The following EML6 variants were observed in gnomAD, a reference collection of about 807,000 sequenced individuals.
EML6 encodes the protein echinoderm microtubule-associated protein-like 6.
Under a neutral mutation model 240.1 loss-of-function variants are expected in EML6, and 154 were observed. That is an observed-to-expected ratio of 0.64 (90% CI 0.56 to 0.73). The LOEUF is 0.73. Among genes scored for constraint, EML6 ranks in the 30% least tolerant of loss-of-function variants. The probability of loss-of-function intolerance (pLI) is 0.00; values close to 1 mark genes in which losing one functional copy is unlikely to be tolerated. For missense variants in EML6, 2,964 were observed against 2,474.6 expected (o/e 1.20, Z -4.20); for synonymous variants, 1,148 against 899.0 (o/e 1.28, Z -4.95).
intron 2 of EML6, among the ~76,000 whole-genome samples, chr2:54,799,983 C>T (rs1027079855): frequency 6.6e-6 from 1 of 152,162 alleles, no homozygotes. Flanking sequence ...TGGTGGCTCA[C>T]GCCTGTAATC....
At chr2:54,924,648 G>C (rs1483667547) in intron 26 of EML6, among the ~76,000 whole-genome samples, 1 of 152,234 alleles carries the variant, frequency 6.6e-6, no homozygotes, top group East Asian at 1.9e-4. Flanking sequence ...TGCAACCTCT[G>C]TCTCCTGGGT....
chr2:54,894,596 C>T (rs1453491790), intron 19 of EML6, among the ~76,000 whole-genome samples: 1 of 152,138 alleles, frequency 6.6e-6, no homozygotes, highest in Non-Finnish European at 1.5e-5. Context: ...TGGTTCCATT[C>T]TGTAGGAACC....
At chr2:54,776,394 T>G (rs539181939) in intron 2 of EML6, among the ~76,000 whole-genome samples, 39 of 152,322 alleles carry the variant, frequency 2.6e-4, no homozygotes, top group African/African-American at 8.7e-4. Context: ...ATTTTGCGAT[T>G]ATTGCCCCAT....
rs879848125 is a variant in EML6 at position 54,851,053 on chromosome 2, G to A, written c.1444+835G>A. Among the ~76,000 whole-genome samples, 46 of 152,274 alleles carry A rather than the reference G, an allele frequency of 3.0e-4. 1 individual carries two copies. Among genetic ancestry groups the A allele is most frequent in the Non-Finnish European group, 6.8e-4 (46 of 68,016 alleles). The stretch of plus-strand genomic sequence containing the variant: ...TGTAGTAAATGTTTTAACAATGCAT[G>A]GGAATGATACCTCATTCAGGATGTT... On this transcript the variant is annotated intron_variant, in intron 10 of 41. Coordinates refer to ENST00000356458, the MANE Select transcript of EML6 (RefSeq NM_001039753.4).
chr2:54,930,619 A>T (rs1376122175), intron 28 of EML6, among the ~76,000 whole-genome samples: 1 of 152,144 alleles, frequency 6.6e-6, no homozygotes, highest in Admixed American at 6.5e-5. Flanking sequence ...ACCAGGATTT[A>T]GTGAAGAAAA....
intron 7 of EML6, among the ~76,000 whole-genome samples, chr2:54,840,420 A>G (rs1217363199): frequency 6.6e-6 from 1 of 152,274 alleles, no homozygotes; most frequent in Non-Finnish European, 1.5e-5. Context: ...ATATAGGTAC[A>G]CATATACATT....
intron 37 of EML6, 67 bp downstream of exon 37, chr2:54,964,225 T>G: frequency 3.4e-6 from 5 of 1,476,152 alleles, no homozygotes; most frequent in Non-Finnish European, 4.5e-6. Flanking sequence ...TGGTTCCCAT[T>G]CCAGCCACGG....
chr2:54,737,717 T>C (rs1683459904), intron 2 of EML6, among the ~76,000 whole-genome samples: 1 of 152,214 alleles, frequency 6.6e-6, no homozygotes, highest in Non-Finnish European at 1.5e-5. Context: ...AATAAGTAAT[T>C]GCAGTCTTTG....
chr2:54,835,345 G>A (rs372186779), intron 7 of EML6, among the ~76,000 whole-genome samples: 2 of 152,232 alleles, frequency 1.3e-5, no homozygotes, highest in African/African-American at 4.8e-5. Flanking sequence ...GTGTGCTGGA[G>A]TCCTGGAAGT....
At chr2:54,905,858 C>T (rs1185733864) in intron 24 of EML6, among the ~76,000 whole-genome samples, 3 of 152,180 alleles carry the variant, frequency 2.0e-5, no homozygotes, top group Non-Finnish European at 4.4e-5. Flanking sequence ...TAGCATGTGT[C>T]AGAATTTCCT....
At chr2:54,967,525 C>T (rs1676802214) in intron 39 of EML6, among the ~76,000 whole-genome samples, 1 of 152,076 alleles carries the variant, frequency 6.6e-6, no homozygotes. Context: ...TGAAAGGAAC[C>T]CCTGCTGTTC....
intron 28 of EML6, among the ~76,000 whole-genome samples, chr2:54,947,279 T>A (rs1422563704): frequency 6.6e-6 from 1 of 152,056 alleles, no homozygotes; most frequent in African/African-American, 2.4e-5. Flanking sequence ...GTGAAGGAAG[T>A]GTCTAATTGT....
chr2:54,935,512 C>T (rs760638958), intron 28 of EML6, among the ~76,000 whole-genome samples: 4 of 152,098 alleles, frequency 2.6e-5, no homozygotes, highest in Non-Finnish European at 5.9e-5. Context: ...AAAATTCAAC[C>T]AAATCAATGT....
chr2:54,879,837 G>C, intron 17 of EML6, 197 bp downstream of exon 17: 1 of 566,704 alleles, frequency 1.8e-6, no homozygotes, highest in Non-Finnish European at 3.1e-6. Flanking sequence ...TTGTTGCGGT[G>C]AATCAGAAAA....
intron 21 of EML6, among the ~76,000 whole-genome samples, chr2:54,898,202 C>G (rs1672869619): frequency 6.6e-6 from 1 of 152,060 alleles, no homozygotes; most frequent in African/African-American, 2.4e-5. Flanking sequence ...TTCCTTGAGC[C>G]ATTCAAGGTC....
chr2:54,727,184 A>C (rs906012198), intron 2 of EML6, among the ~76,000 whole-genome samples: 2 of 150,740 alleles, frequency 1.3e-5, no homozygotes, highest in Admixed American at 6.8e-5. Context: ...TGATGAAGGG[A>C]AAAAGAGACA....
chr2:54,954,086 A>G lies in EML6; in HGVS notation c.4416A>G (p.Ala1472=). The change falls in exon 32 of 42, where the codon GCA becomes GCG. Residue 1472 remains alanine (A), a synonymous_variant. Coordinates refer to ENST00000356458, the MANE Select transcript of EML6 (RefSeq NM_001039753.4). ...SKGVNYINFS[A]TGKLLVSVGV... ...GGGTGAATTACATCAACTTCAGTGC[A>G]ACTGGAAAGCTCCTGGTGTCGGTGG... The G allele has an allele frequency of 1.3e-6, 2 of 1,551,166 alleles. No homozygotes were observed. The highest frequency in any genetic ancestry group is 1.7e-6 in the Non-Finnish European group (2 of 1,146,826).
chr2:54,770,858 T>G (rs1382044464), intron 2 of EML6, among the ~76,000 whole-genome samples: 1 of 152,092 alleles, frequency 6.6e-6, no homozygotes, highest in Non-Finnish European at 1.5e-5. Context: ...TCTCTGCTTG[T>G]CCTCTGTGTT....
intron 29 of EML6, among the ~76,000 whole-genome samples, 171 bp downstream of exon 29, chr2:54,949,131 C>G (rs553114535): frequency 6.6e-6 from 1 of 152,114 alleles, no homozygotes; most frequent in African/African-American, 2.4e-5. Flanking sequence ...TCCCAGGGAC[C>G]AGAGTCGCAG....
Sources: gnomAD v4.1 joint callset for allele counts (sites outside exome capture counted in the v4.1 genomes callset) on GRCh38, gnomAD v4.1.1 for gene constraint, MANE v1.5 for transcripts, NCBI Gene and HGNC (gene_info 2026-07-23, HGNC 2026-07-21) for gene names.